RCSD1: variants seen among roughly 807,000 people sequenced by gnomAD.
The protein encoded by RCSD1 is RCSD domain containing 1.
RCSD1 carries 26 observed loss-of-function variants against 42.5 expected under a neutral mutation model. The ratio of observed to expected loss-of-function variants is 0.61; its 90% CI spans 0.45 to 0.85. The LOEUF is 0.85. Among genes scored for constraint, RCSD1 ranks in the 40% least tolerant of loss-of-function variants. The probability of loss-of-function intolerance (pLI) is 0.00; values close to 1 mark genes in which losing one functional copy is unlikely to be tolerated. For missense variants in RCSD1, 571 were observed against 528.3 expected, an observed-to-expected ratio of 1.08 and a Z score of -0.79; for synonymous variants, 220 against 212.2, an observed-to-expected ratio of 1.04 and a Z score of -0.32.
chr1:167,674,333 T>C (rs1270536456), intron 1 of RCSD1, among the ~76,000 whole-genome samples: 1 of 152,168 alleles, frequency 6.6e-6, no homozygotes, highest in Non-Finnish European at 1.5e-5. Context: ...GCTGAGCCTG[T>C]GGGTGGAGGG....
At chr1:167,657,187 G>GT (rs1658442698) in intron 1 of RCSD1, among the ~76,000 whole-genome samples, 1 of 152,174 alleles carries the variant, frequency 6.6e-6, no homozygotes, top group African/African-American at 2.4e-5. Context: ...TGTCCTGCTG[G>GT]TTTTTTTCGA....
intron 2 of RCSD1, 127 bp from the exon 3 acceptor site, chr1:167,685,294 T>C: frequency 1.6e-6 from 1 of 635,552 alleles, no homozygotes; most frequent in Non-Finnish European, 2.7e-6. Context: ...TACACTTCCC[T>C]AACATCCTAA....
At chr1:167,690,256 C>G (rs1282537074) in intron 4 of RCSD1, 136 bp downstream of exon 4, 3 of 716,242 alleles carry the variant, frequency 4.2e-6, no homozygotes, top group Non-Finnish European at 4.8e-6. Context: ...AGCCAGTGAT[C>G]AAATTGCAGT....
intron 1 of RCSD1, among the ~76,000 whole-genome samples, chr1:167,642,206 A>G (rs1658023362): frequency 6.6e-6 from 1 of 152,166 alleles, no homozygotes; most frequent in African/African-American, 2.4e-5. Flanking sequence ...CTTCACAAAC[A>G]TTGTTAGTGG....
At chr1:167,639,381 G>A (rs1657949116) in intron 1 of RCSD1, among the ~76,000 whole-genome samples, 2 of 152,192 alleles carry the variant, frequency 1.3e-5, no homozygotes, top group Non-Finnish European at 2.9e-5. Flanking sequence ...GCTCTCTGAA[G>A]TCCTCCACAC....
intron 1 of RCSD1, among the ~76,000 whole-genome samples, chr1:167,673,460 C>A (rs1200173156): frequency 6.6e-6 from 1 of 152,232 alleles, no homozygotes; most frequent in Non-Finnish European, 1.5e-5. Flanking sequence ...GCTCAGTGGG[C>A]ACTTGAGGTA....
chr1:167,640,254 T>C (rs1189349123), intron 1 of RCSD1, among the ~76,000 whole-genome samples: 1 of 151,912 alleles, frequency 6.6e-6, no homozygotes, highest in Non-Finnish European at 1.5e-5. Context: ...AAAAGCAGAG[T>C]GTCAGCAGGA....
At chr1:167,671,809 G>C (rs1212361287) in intron 1 of RCSD1, among the ~76,000 whole-genome samples, 1 of 152,202 alleles carries the variant, frequency 6.6e-6, no homozygotes, top group Non-Finnish European at 1.5e-5. Flanking sequence ...TCCCAACTTA[G>C]GCAGCCTTTC....
chr1:167,694,544 A>G (rs560481986), intron 5 of RCSD1, among the ~76,000 whole-genome samples: 2 of 152,278 alleles, frequency 1.3e-5, no homozygotes, highest in Admixed American at 1.3e-4. Flanking sequence ...TTCAACCCCA[A>G]GACAAGCCTG....
At chr1:167,688,066 T>C (rs1392972576) in intron 3 of RCSD1, among the ~76,000 whole-genome samples, 2 of 152,242 alleles carry the variant, frequency 1.3e-5, no homozygotes, top group Non-Finnish European at 1.5e-5. Context: ...GCCGCTTGCC[T>C]GAAGCCCCTT....
chr1:167,658,408 G>GT (rs1389893580), intron 1 of RCSD1, among the ~76,000 whole-genome samples: 4 of 151,890 alleles, frequency 2.6e-5, no homozygotes, highest in Non-Finnish European at 4.4e-5. Context: ...GGAAGTTGGA[G>GT]TTTTTTTGTT....
intron 1 of RCSD1, among the ~76,000 whole-genome samples, chr1:167,649,224 A>C (rs1182938344): frequency 6.6e-6 from 1 of 152,104 alleles, no homozygotes; most frequent in African/African-American, 2.4e-5. Context: ...TAGCTGGAGG[A>C]AGTAGCGTGA....
Position 167,697,742 on chromosome 1 carries a change from AG to A in RCSD1, c.1123del (p.Ala375GlnfsTer51). On this transcript the variant is annotated frameshift_variant, in exon 6 of 7. Coordinates refer to ENST00000367854, the MANE Select transcript of RCSD1 (RefSeq NM_052862.4). LOFTEE classifies it high-confidence loss of function. ...KQEKGKEKQQ[E>X]GAVLEPGCSP... ...GAAAAAGGCAAGGAAAAACAACAGGAGGGGGCAGTGCTCGAGCCAGGCTGCA... is the reference window on the plus strand; with the variant it reads ...GAAAAAGGCAAGGAAAAACAACAGGAGGGGCAGTGCTCGAGCCAGGCTGCA... 6.4e-7 allele frequency: 1 copy of A among 1,566,682 alleles called. No homozygotes were observed. The highest frequency in any genetic ancestry group is 1.2e-5 in the South Asian group (1 of 82,854).
intron 3 of RCSD1, 96 bp downstream of exon 3, chr1:167,685,606 TAAAGCTC>T: frequency 1.1e-6 from 1 of 925,494 alleles, no homozygotes; most frequent in Non-Finnish European, 1.7e-6. Flanking sequence ...ACTCATACTT[TAAAGCTC>T]AGACTCTGTG....
At chr1:167,631,877 T>G (rs559439760) in intron 1 of RCSD1, among the ~76,000 whole-genome samples, 1 of 152,292 alleles carries the variant, frequency 6.6e-6, no homozygotes, top group East Asian at 1.9e-4. Flanking sequence ...TTTAGAGAAG[T>G]CAGGGAGCTA....
chr1:167,662,722 T>G (rs985459189), intron 1 of RCSD1, among the ~76,000 whole-genome samples: 10 of 152,132 alleles, frequency 6.6e-5, no homozygotes, highest in African/African-American at 2.4e-4. Context: ...AAAATCTTCT[T>G]AGGAAGGAAG....
At chr1:167,662,390 G>T (rs1197398293) in intron 1 of RCSD1, among the ~76,000 whole-genome samples, 1 of 152,146 alleles carries the variant, frequency 6.6e-6, no homozygotes, top group African/African-American at 2.4e-5. Flanking sequence ...AGGCTGTCTT[G>T]ATCTTGCTGT....
intron 1 of RCSD1, among the ~76,000 whole-genome samples, chr1:167,635,230 A>AT (rs1657808001): frequency 6.6e-6 from 1 of 151,654 alleles, no homozygotes; most frequent in Admixed American, 6.6e-5. Context: ...GTTGGAGCTG[A>AT]TGGGCCGTAA....
intron 1 of RCSD1, among the ~76,000 whole-genome samples, chr1:167,643,157 C>G (rs1045706875): frequency 6.6e-6 from 1 of 152,244 alleles, no homozygotes; most frequent in African/African-American, 2.4e-5. Context: ...TATGAAAGTA[C>G]CTTGAAGCGT....
Sources: gnomAD v4.1 joint callset for allele counts (sites outside exome capture counted in the v4.1 genomes callset) on GRCh38, gnomAD v4.1.1 for gene constraint, MANE v1.5 for transcripts, NCBI Gene and HGNC (gene_info 2026-07-23, HGNC 2026-07-21) for gene names.